The following THSD7B variants were observed in gnomAD, a reference collection of about 807,000 sequenced individuals.
THSD7B encodes the protein thrombospondin type-1 domain-containing protein 7B.
A neutral mutation model predicts 213.6 loss-of-function variants in THSD7B; 138 were observed. The ratio of observed to expected loss-of-function variants is 0.65; its 90% CI spans 0.56 to 0.74. The LOEUF is 0.74. Among genes scored for constraint, THSD7B ranks in the 30% least tolerant of loss-of-function variants. THSD7B has a pLI of 0.00. For synonymous variants in THSD7B, 742 were observed against 687.0 expected, an observed-to-expected ratio of 1.08 and a Z score of -1.25; for missense variants, 1,931 against 1,991.5, an observed-to-expected ratio of 0.97 and a Z score of 0.58.
chr2:136,836,410 A>G (rs1367362822), intron 1 of THSD7B, among the ~76,000 whole-genome samples: 1 of 152,118 alleles, frequency 6.6e-6, no homozygotes, highest in Admixed American at 6.5e-5. Context: ...GCAGTATTTT[A>G]ATTTCATATT....
At chr2:137,276,653 T>C (rs900256646) in intron 12 of THSD7B, among the ~76,000 whole-genome samples, 5 of 152,090 alleles carry the variant, frequency 3.3e-5, no homozygotes, top group Non-Finnish European at 7.4e-5. Flanking sequence ...TGCTCACTTT[T>C]CTATTTCATT....
At chr2:137,371,331 T>C (rs1056822982) in intron 12 of THSD7B, among the ~76,000 whole-genome samples, 6 of 152,176 alleles carry the variant, frequency 3.9e-5, no homozygotes, top group African/African-American at 1.4e-4. Context: ...TTTATTCCGT[T>C]CTCACACTTG....
chr2:137,639,811 A>G (rs1295295578), intron 20 of THSD7B, among the ~76,000 whole-genome samples: 1 of 151,950 alleles, frequency 6.6e-6, no homozygotes, highest in Non-Finnish European at 1.5e-5. Flanking sequence ...TAACCCCTTT[A>G]TTTTTGCCAA....
At chr2:137,273,166 A>T (rs1427578836) in intron 11 of THSD7B, among the ~76,000 whole-genome samples, 2 of 151,848 alleles carry the variant, frequency 1.3e-5, no homozygotes, top group South Asian at 2.1e-4. Context: ...TTAATTAAAA[A>T]TTTTTTGGTT....
chr2:136,821,286 A>G (rs865791009), intron 1 of THSD7B, among the ~76,000 whole-genome samples: 1 of 152,186 alleles, frequency 6.6e-6, no homozygotes, highest in South Asian at 2.1e-4. Flanking sequence ...AGGAAAGAAA[A>G]TGTAAAGTTG....
chr2:137,091,138 C>T (rs1022482227), intron 3 of THSD7B, among the ~76,000 whole-genome samples: 7 of 152,100 alleles, frequency 4.6e-5, no homozygotes, highest in Non-Finnish European at 1.0e-4. Flanking sequence ...AATTAGGATC[C>T]CTTTTCGAAA....
rs558961217 is a variant in THSD7B at position 137,396,988 on chromosome 2, C to A, written c.2501-8625C>A. 2.2e-4 allele frequency among the ~76,000 whole-genome samples: 31 copies of A among 139,832 alleles called. 6 individuals carry two copies. Among genetic ancestry groups the A allele is most frequent in the Admixed American group, 1.4e-4 (2 of 14,160 alleles). The allele number at this position is 139,832 out of a possible 152,430, so 91.7% of individuals were successfully genotyped here. On this transcript the variant is annotated intron_variant, in intron 12 of 27. Coordinates refer to ENST00000409968, the MANE Select transcript of THSD7B (RefSeq NM_001316349.2). ...TTTATCAGAGACGAGGATTGCAACC[C>A]CTGCCTTTTTTTGTTTTCCATTTTC...
chr2:136,939,664 T>C (rs1684788145), intron 2 of THSD7B, among the ~76,000 whole-genome samples: 1 of 152,220 alleles, frequency 6.6e-6, no homozygotes, highest in Admixed American at 6.5e-5. Flanking sequence ...TGCTCTTTTC[T>C]GAACCATGGT....
intron 20 of THSD7B, among the ~76,000 whole-genome samples, chr2:137,623,531 G>T (rs1289322224): frequency 1.3e-5 from 2 of 152,184 alleles, no homozygotes; most frequent in East Asian, 1.9e-4. Context: ...AAAAGAGGAA[G>T]TCAAATTGTC....
chr2:136,975,020 C>A (rs191696086), intron 2 of THSD7B, among the ~76,000 whole-genome samples: 9 of 147,034 alleles, frequency 6.1e-5, no homozygotes, highest in Non-Finnish European at 1.0e-4. Context: ...CTTTTCATGT[C>A]CTTTGCCCAC....
chr2:137,026,731 T>C (rs1573774694), intron 2 of THSD7B, among the ~76,000 whole-genome samples: 1 of 152,286 alleles, frequency 6.6e-6, no homozygotes, highest in East Asian at 1.9e-4. Context: ...GCAACACTCA[T>C]ACTCTTACTT....
chr2:137,139,848 A>G (rs1679546308), intron 5 of THSD7B, among the ~76,000 whole-genome samples: 1 of 152,192 alleles, frequency 6.6e-6, no homozygotes, highest in African/African-American at 2.4e-5. Flanking sequence ...TGTCCCTAGT[A>G]AAAAGATAAC....
At chr2:137,090,385 A>G (rs1687928648) in intron 3 of THSD7B, among the ~76,000 whole-genome samples, 1 of 151,892 alleles carries the variant, frequency 6.6e-6, no homozygotes, top group African/African-American at 2.4e-5. Flanking sequence ...TTGTTATATT[A>G]CTCTATTTTT....
At chr2:137,405,428 C>T (rs532918774) in intron 12 of THSD7B, among the ~76,000 whole-genome samples, 185 bp from the exon 13 acceptor site, 34 of 152,092 alleles carry the variant, frequency 2.2e-4, no homozygotes, top group Non-Finnish European at 4.1e-4. Flanking sequence ...TCCTCAAATA[C>T]CTCCAATGAC....
At chr2:137,315,145 T>C (rs1029871548) in intron 12 of THSD7B, among the ~76,000 whole-genome samples, 2 of 152,204 alleles carry the variant, frequency 1.3e-5, no homozygotes, top group African/African-American at 4.8e-5. Flanking sequence ...GCTGCTGTGC[T>C]AGCAATCAGC....
intron 21 of THSD7B, 102 bp downstream of exon 21, chr2:137,642,735 G>T: frequency 7.4e-7 from 1 of 1,353,200 alleles, no homozygotes. Context: ...CAGCACCAGG[G>T]GTCTGGCACA....
intron 2 of THSD7B, among the ~76,000 whole-genome samples, chr2:137,039,337 T>C (rs1415837960): frequency 2.6e-5 from 4 of 152,172 alleles, no homozygotes; most frequent in African/African-American, 7.2e-5. Context: ...TAGTCTATAT[T>C]AGTGGTTCTC....
chr2:137,153,859 T>C (rs1334424737), intron 5 of THSD7B, among the ~76,000 whole-genome samples: 4 of 152,160 alleles, frequency 2.6e-5, no homozygotes, highest in Admixed American at 6.5e-5. Context: ...CATTTTTACA[T>C]AAGTAGGCTC....
rs138421924 is a variant in THSD7B, at chr2:137,292,501, G to A, written c.2500+16475G>A. On this transcript the variant is annotated intron_variant, in intron 12 of 27. Coordinates refer to ENST00000409968, the MANE Select transcript of THSD7B (RefSeq NM_001316349.2). ...CCTAGGTTTTGGAATGACATGTATG[G>A]CATAATTATATTTCACAAAAAGAGC... Among the ~76,000 whole-genome samples the A allele has an allele frequency of 1.1e-4, 17 of 152,150 alleles. 1 individual carries two copies. In the East Asian group the frequency reaches 3.1e-3, roughly 28 times the overall value.
Sources: allele counts gnomAD v4.1 joint callset (sites outside exome capture counted in the v4.1 genomes callset), GRCh38; gene constraint gnomAD v4.1.1; transcripts MANE v1.5; gene names NCBI Gene and HGNC (gene_info 2026-07-23, HGNC 2026-07-21).